Variants in ST8SIA1 observed in about 807,000 individuals in gnomAD.
ST8SIA1 encodes alpha-N-acetylneuraminide alpha-2,8-sialyltransferase.
ST8SIA1 carries 16 observed loss-of-function variants against 35.9 expected under a neutral mutation model. The ratio of observed to expected loss-of-function variants is 0.45; its 90% CI spans 0.30 to 0.68. The LOEUF is 0.68. Ranked by LOEUF, ST8SIA1 falls within the 30% of genes least tolerant of loss-of-function variation. ST8SIA1 has a pLI of 0.09. For synonymous variants in ST8SIA1, 170 were observed against 169.6 expected (o/e 1.00, Z -0.02); for missense variants, 383 against 453.6 (o/e 0.84, Z 1.41).
At chr12:22,266,470 G>C in intron 2 of ST8SIA1, among the ~76,000 whole-genome samples, 1 of 149,078 alleles carries the variant, frequency 6.7e-6, no homozygotes, top group Non-Finnish European at 1.5e-5. Context: ...TCTCAGACAA[G>C]GTTATACCAG....
intron 4 of ST8SIA1, among the ~76,000 whole-genome samples, chr12:22,224,889 G>C (rs1394723489): frequency 6.6e-6 from 1 of 152,176 alleles, no homozygotes; most frequent in Admixed American, 6.5e-5. Context: ...GATCTTTGTA[G>C]ATATAATAGT....
At chr12:22,318,720 AT>A (rs1462892348) in intron 1 of ST8SIA1, among the ~76,000 whole-genome samples, 1 of 152,250 alleles carries the variant, frequency 6.6e-6, no homozygotes, top group Admixed American at 6.5e-5. Context: ...CAATATCAAA[AT>A]AGAATAAAGT....
intron 4 of ST8SIA1, among the ~76,000 whole-genome samples, chr12:22,248,519 T>C (rs1865630028): frequency 6.6e-6 from 1 of 151,808 alleles, no homozygotes; most frequent in South Asian, 2.1e-4. Flanking sequence ...TTGAATATAA[T>C]ATAATGTAAT....
intron 1 of ST8SIA1, among the ~76,000 whole-genome samples, chr12:22,304,334 C>CTTTTTTTTT (rs3063802): frequency 1.9e-5 from 2 of 106,266 alleles, no homozygotes; most frequent in Non-Finnish European, 3.8e-5. Context: ...TTTTCTTTTT[C>CTTTTTTTTT]TTTTTTTTTT....
At chr12:22,218,316 T>A (rs1865256675) in intron 4 of ST8SIA1, among the ~76,000 whole-genome samples, 1 of 144,988 alleles carries the variant, frequency 6.9e-6, no homozygotes, top group Admixed American at 6.9e-5. Flanking sequence ...AGAGTGAGAC[T>A]CTCTCAAAAA....
At chr12:22,210,307 G>GA (rs1452709202) in intron 4 of ST8SIA1, among the ~76,000 whole-genome samples, 2 of 151,844 alleles carry the variant, frequency 1.3e-5, no homozygotes, top group African/African-American at 2.4e-5. Context: ...ACATAAAGCT[G>GA]AAAAAAAATG....
At chr12:22,255,150 G>C (rs1865715402) in intron 3 of ST8SIA1, 130 bp downstream of exon 3, 1 of 726,478 alleles carries the variant, frequency 1.4e-6, no homozygotes, top group Non-Finnish European at 2.4e-6. Flanking sequence ...CTATGAGCTG[G>C]AAGTGAAGCT....
At chr12:22,212,618 C>T (rs547195205) in intron 4 of ST8SIA1, among the ~76,000 whole-genome samples, 1 of 152,270 alleles carries the variant, frequency 6.6e-6, no homozygotes, top group South Asian at 2.1e-4. Flanking sequence ...TGAGAGAAAT[C>T]TAACATAAAC....
At chr12:22,300,521 A>C (rs1220519776) in intron 1 of ST8SIA1, among the ~76,000 whole-genome samples, 1 of 152,204 alleles carries the variant, frequency 6.6e-6, no homozygotes, top group Non-Finnish European at 1.5e-5. Context: ...AGGTTATAAA[A>C]GGCTTATTGA....
At chr12:22,297,259 G>A (rs1401389601) in intron 1 of ST8SIA1, among the ~76,000 whole-genome samples, 2 of 151,198 alleles carry the variant, frequency 1.3e-5, no homozygotes, top group Non-Finnish European at 2.9e-5. Flanking sequence ...TTTAAGTCAG[G>A]GAACTGAACC....
chr12:22,260,901 C>T (rs1312770746), intron 2 of ST8SIA1, among the ~76,000 whole-genome samples: 2 of 113,264 alleles, frequency 1.8e-5, no homozygotes, highest in African/African-American at 6.8e-5. Flanking sequence ...TTTTGAGACA[C>T]AGTTTCACTC....
chr12:22,268,323 G>A (rs1420627), intron 2 of ST8SIA1, among the ~76,000 whole-genome samples: 39,730 of 152,046 alleles, frequency 0.26, 5,371 homozygotes, highest in Middle Eastern at 0.38. Flanking sequence ...GCACACCAGA[G>A]GTGCAAAATG....
intron 4 of ST8SIA1, among the ~76,000 whole-genome samples, chr12:22,211,930 C>T (rs538612195): frequency 2.6e-5 from 4 of 152,044 alleles, no homozygotes; most frequent in African/African-American, 7.2e-5. Context: ...AGGCTGATCT[C>T]GAACTCCTGA....
At chr12:22,259,562 T>C (rs1865764626) in intron 2 of ST8SIA1, among the ~76,000 whole-genome samples, 1 of 152,036 alleles carries the variant, frequency 6.6e-6, no homozygotes, top group South Asian at 2.1e-4. Flanking sequence ...GCCTCCCAGG[T>C]TCACGCCATT....
chr12:22,267,812 G>A (rs914227925), intron 2 of ST8SIA1, among the ~76,000 whole-genome samples: 6 of 152,126 alleles, frequency 3.9e-5, no homozygotes, highest in South Asian at 2.1e-4. Flanking sequence ...TGCCCTACAC[G>A]ATACAATTCA....
intron 1 of ST8SIA1, among the ~76,000 whole-genome samples, chr12:22,288,033 T>A (rs112047861): frequency 1.3e-5 from 2 of 152,246 alleles, no homozygotes; most frequent in Admixed American, 1.3e-4. Flanking sequence ...ATCACTGGGG[T>A]AACCTCACCC....
chr12:22,266,880 C>CAT (rs1491180605), intron 2 of ST8SIA1, among the ~76,000 whole-genome samples: 3 of 148,630 alleles, frequency 2.0e-5, no homozygotes, highest in Non-Finnish European at 4.5e-5. Flanking sequence ...CACACACACA[C>CAT]ATATACACAA....
chr12:22,327,322 C>T (rs959235746), intron 1 of ST8SIA1, among the ~76,000 whole-genome samples: 2 of 152,192 alleles, frequency 1.3e-5, no homozygotes, highest in African/African-American at 2.4e-5. Context: ...CAAGCCTATA[C>T]CACTTGCATA....
chr12:22,258,310 G>A (rs1444377751), intron 2 of ST8SIA1, among the ~76,000 whole-genome samples: 1 of 152,048 alleles, frequency 6.6e-6, no homozygotes, highest in Non-Finnish European at 1.5e-5. Context: ...AGATACCCAG[G>A]TGGCAATATC....
Sources: gnomAD v4.1 joint callset for allele counts (sites outside exome capture counted in the v4.1 genomes callset) on GRCh38, gnomAD v4.1.1 for gene constraint, MANE v1.5 for transcripts, NCBI Gene and HGNC (gene_info 2026-07-23, HGNC 2026-07-21) for gene names.